The following CNTN4 variants were observed in gnomAD, a reference collection of about 807,000 sequenced individuals.
The protein encoded by CNTN4 is contactin-4.
In CNTN4, 77 loss-of-function variants were observed where a neutral mutation model predicts 122.5. The observed-to-expected ratio is 0.63, with a 90% CI of 0.52 to 0.76. The LOEUF (loss-of-function observed/expected upper bound fraction) is 0.76, where lower values mean the gene tolerates loss of function less well. Among genes scored for constraint, CNTN4 ranks in the 30% least tolerant of loss-of-function variants. The pLI, the probability that CNTN4 is intolerant of heterozygous loss-of-function variation, is 0.00. For missense variants in CNTN4, 1,256 were observed against 1,259.1 expected (o/e 1.00, Z 0.04); for synonymous variants, 512 against 447.0 (o/e 1.15, Z -1.83).
intron 7 of CNTN4, among the ~76,000 whole-genome samples, chr3:2,860,743 A>AG (rs11382805): frequency 0.19 from 28,791 of 152,040 alleles, 2,812 homozygotes; most frequent in Middle Eastern, 0.28. Context: ...TAGTATAATT[A>AG]AAATGTCATC....
Position 2,381,480 on chromosome 3 carries a change from T to C in CNTN4, c.-89+42247T>C, listed in dbSNP as rs74474994. 2.0e-4 allele frequency among the ~76,000 whole-genome samples: 30 copies of C among 152,276 alleles called. No individual in the cohort carries two copies. In the East Asian group the frequency reaches 5.4e-3, roughly 27 times the overall value. ...TTAGCTATCACTAGTCTGGAGGTGTTGGGAACATAACTTAAACTCTTTGAA... is the reference window on the plus strand; with the variant it reads ...TTAGCTATCACTAGTCTGGAGGTGTCGGGAACATAACTTAAACTCTTTGAA... On this transcript the variant is annotated intron_variant, in intron 3 of 24. Transcript: ENST00000418658.
chr3:2,294,288 C>CTTTTTTTTTTTTTTTTTTTTTTTTT (rs71058604), intron 2 of CNTN4, among the ~76,000 whole-genome samples: 33 of 135,602 alleles, frequency 2.4e-4, no homozygotes, highest in African/African-American at 8.7e-4. Context: ...AGAGTTGTGA[C>CTTTTTTTTTTTTTTTTTTTTTTTTT]TTTTTTTTTT....
intron 4 of CNTN4, among the ~76,000 whole-genome samples, chr3:2,711,160 G>C (rs114078585): frequency 0.025 from 3,748 of 152,256 alleles, 182 homozygotes; most frequent in African/African-American, 0.086. Context: ...CACAGCAAGA[G>C]GGTCACAAAC....
At chr3:2,630,136 A>G (rs1408457253) in intron 4 of CNTN4, among the ~76,000 whole-genome samples, 1 of 152,198 alleles carries the variant, frequency 6.6e-6, no homozygotes, top group African/African-American at 2.4e-5. Flanking sequence ...GCAAAAAAAG[A>G]CACAGAACCA....
intron 5 of CNTN4, among the ~76,000 whole-genome samples, chr3:2,740,039 TC>T (rs895308980): frequency 4.0e-5 from 6 of 151,780 alleles, no homozygotes; most frequent in African/African-American, 1.2e-4. Flanking sequence ...CCTTTTTTTT[TC>T]CCCCAAGTAC....
intron 3 of CNTN4, among the ~76,000 whole-genome samples, chr3:2,543,243 C>T (rs960644520): frequency 3.3e-5 from 5 of 151,994 alleles, no homozygotes; most frequent in Non-Finnish European, 7.4e-5. Flanking sequence ...AAGAACTAAG[C>T]GCCTGACCTT....
intron 3 of CNTN4, among the ~76,000 whole-genome samples, chr3:2,373,258 A>C (rs1270794049): frequency 6.6e-6 from 1 of 152,192 alleles, no homozygotes; most frequent in Non-Finnish European, 1.5e-5. Context: ...ACGTGGGTTA[A>C]GCACAGTTGC....
rs531544478 is a variant in CNTN4, at chr3:2,104,367, A to T, written c.-145+3728A>T. On this transcript the variant is annotated intron_variant, in intron 2 of 24. Coordinates refer to ENST00000418658, the MANE Select transcript of CNTN4 (RefSeq NM_175607.3). ...CCACAGGGCCTTGTAACAGGCTAACATGAGCAGATAAGCTCTTAATTTTCA... is the reference window on the plus strand; with the variant it reads ...CCACAGGGCCTTGTAACAGGCTAACTTGAGCAGATAAGCTCTTAATTTTCA... 2.7e-3 allele frequency among the ~76,000 whole-genome samples: 418 copies of T among 152,288 alleles called. 1 individual carries two copies. In the Middle Eastern group the frequency reaches 0.031, roughly 11 times the overall value.
chr3:3,037,897 G>C (rs1237362177), intron 18 of CNTN4, among the ~76,000 whole-genome samples: 1 of 152,196 alleles, frequency 6.6e-6, no homozygotes, highest in Non-Finnish European at 1.5e-5. Flanking sequence ...CAGCTTGAAT[G>C]AGCACGGGGA....
chr3:2,883,315 C>A, intron 9 of CNTN4, 68 bp downstream of exon 9: 2 of 1,115,054 alleles, frequency 1.8e-6, no homozygotes, highest in Non-Finnish European at 2.7e-6. Context: ...TTTTCTTGCA[C>A]TGTTCACAGC....
chr3:3,015,174 C>T (rs1321531057), intron 14 of CNTN4, among the ~76,000 whole-genome samples: 1 of 152,122 alleles, frequency 6.6e-6, no homozygotes, highest in African/African-American at 2.4e-5. Context: ...AGAAGAGTCT[C>T]TTTTAGTTAA....
Position 2,458,147 on chromosome 3 carries a change from C to G in CNTN4, c.-88-113269C>G, listed in dbSNP as rs180966327. Among the ~76,000 whole-genome samples, 414 of 152,256 alleles carry G rather than the reference C, an allele frequency of 2.7e-3. 1 individual carries two copies. The highest frequency in any genetic ancestry group is 9.4e-3 in the African/African-American group (391 of 41,570). Reference sequence around the variant, plus strand: ...GTTGCAGTACTGAATTGCACACTCTCCTGCTCAGTATAATTTATTAGCTGG... The same window carrying G: ...GTTGCAGTACTGAATTGCACACTCTGCTGCTCAGTATAATTTATTAGCTGG... On this transcript the variant is annotated intron_variant, in intron 3 of 24. Coordinates refer to ENST00000418658, the MANE Select transcript of CNTN4 (RefSeq NM_175607.3).
chr3:2,687,075 T>C (rs1559387636), intron 4 of CNTN4, among the ~76,000 whole-genome samples: 1 of 152,176 alleles, frequency 6.6e-6, no homozygotes, highest in Non-Finnish European at 1.5e-5. Context: ...AGACTTTAAA[T>C]AGGGAACAGT....
chr3:2,995,452 C>T (rs1403694674), intron 14 of CNTN4, among the ~76,000 whole-genome samples: 1 of 152,196 alleles, frequency 6.6e-6, no homozygotes, highest in East Asian at 1.9e-4. Context: ...CATACCATGA[C>T]AGTCTGCCCT....
intron 3 of CNTN4, among the ~76,000 whole-genome samples, chr3:2,381,076 G>C (rs1976358): frequency 6.6e-6 from 1 of 151,280 alleles, no homozygotes; most frequent in Admixed American, 6.6e-5. Context: ...CACAATCTCG[G>C]CTCACTGCAA....
At chr3:2,156,571 T>C (rs2035729707) in intron 2 of CNTN4, among the ~76,000 whole-genome samples, 1 of 152,072 alleles carries the variant, frequency 6.6e-6, no homozygotes, top group Admixed American at 6.6e-5. Context: ...GAAATACAAC[T>C]GTATATGAAG....
intron 2 of CNTN4, among the ~76,000 whole-genome samples, chr3:2,271,584 T>C (rs1321280367): frequency 6.6e-6 from 1 of 152,180 alleles, no homozygotes; most frequent in Non-Finnish European, 1.5e-5. Context: ...CTTATCATTG[T>C]TGTTTTAATA....
At chr3:2,878,553 C>CTGTGTGTG (rs60925207) in intron 8 of CNTN4, among the ~76,000 whole-genome samples, 2,408 of 146,906 alleles carry the variant, frequency 0.016, 49 homozygotes, top group African/African-American at 0.052. Flanking sequence ...GAGATGCTCT[C>CTGTGTGTG]TGTGTGTGTG....
intron 3 of CNTN4, among the ~76,000 whole-genome samples, chr3:2,481,087 C>CTCTTTCTT (rs758374873): frequency 0.012 from 843 of 69,718 alleles, 9 homozygotes; most frequent in African/African-American, 0.038. Context: ...CTCTCTTTCT[C>CTCTTTCTT]TCTTTCTTTC....
Sources: allele counts gnomAD v4.1 joint callset (sites outside exome capture counted in the v4.1 genomes callset), GRCh38; gene constraint gnomAD v4.1.1; transcripts MANE v1.5; gene names NCBI Gene and HGNC (gene_info 2026-07-23, HGNC 2026-07-21).